The following GREB1 variants were observed in gnomAD, a reference collection of about 807,000 sequenced individuals.
GREB1 encodes protein GREB1.
A neutral mutation model predicts 200.7 loss-of-function variants in GREB1; 106 were observed. The observed-to-expected ratio is 0.53, with a 90% CI of 0.45 to 0.62. GREB1 has a LOEUF of 0.62. Ranked by LOEUF, GREB1 falls within the 20% of genes least tolerant of loss-of-function variation. GREB1 has a pLI of 0.00. For synonymous variants in GREB1, 1,132 were observed against 1,092.4 expected (o/e 1.04, Z -0.72); for missense variants, 2,243 against 2,556.8 (o/e 0.88, Z 2.65).
chr2:11,556,818 G>T (rs375548010), intron 2 of GREB1, 47 bp downstream of exon 2: 2 of 1,452,678 alleles, frequency 1.4e-6, no homozygotes, highest in Non-Finnish European at 1.9e-6. Flanking sequence ...TTTATTGTGC[G>T]CAGTTAATGT....
intron 25 of GREB1, among the ~76,000 whole-genome samples, chr2:11,627,970 G>A (rs1558660632): frequency 6.6e-6 from 1 of 152,214 alleles, no homozygotes; most frequent in East Asian, 1.9e-4. Context: ...GAGGGGAGGT[G>A]GGGTTTCCAG....
In GREB1 at chr2:11,633,350, CAGG is replaced by C. The variant is rs1216279961; in HGVS notation, c.4991+290_4991+292del. Among the ~76,000 whole-genome samples, 1 of 152,044 alleles carries C rather than the reference CAGG, an allele frequency of 6.6e-6. No individual in the cohort carries two copies. The highest frequency in any genetic ancestry group is 2.4e-5 in the African/African-American group (1 of 41,388). On this transcript the variant is annotated intron_variant, in intron 28 of 32. Transcript: ENST00000381486. This position sits in a 1 kb window ranked among gnomAD's most constrained non-coding sequence, Gnocchi z 4.1. ...GGCTGAGGTGGGTGGATCACGAGGT[CAGG>C]AGATCGAGACCATCCTGGCTAACAC...
chr2:11,579,067 G>A (rs1397319116), intron 6 of GREB1, among the ~76,000 whole-genome samples: 4 of 152,316 alleles, frequency 2.6e-5, no homozygotes, highest in South Asian at 2.1e-4. Context: ...CAGCCTTCCC[G>A]AGGACGCAGG....
chr2:11,600,862 T>C lies in GREB1; in HGVS notation c.2396T>C (p.Leu799Pro). The C allele has an allele frequency of 5.6e-6, 9 of 1,614,160 alleles. No homozygotes were observed. Among genetic ancestry groups the C allele is most frequent in the Non-Finnish European group, 7.6e-6 (9 of 1,180,022 alleles). Reference protein sequence around the residue: ...DPSVGLVDRLLNCREVKEAPN... With the variant: ...DPSVGLVDRLPNCREVKEAPN... ...TCGGTGGGATTGGTGGACCGATTGC[T>C]CAACTGCAGGGAGGTGAAGGAGGCC... Residue 799 changes from leucine to proline, a missense_variant, in exon 16 of 33, where the codon CTC (leucine) becomes CCC (proline). Leu to Pro is a moderately conservative substitution (Grantham distance 98). This residue lies in a region of GREB1 where 1,178 missense variants were observed against 1,387.4 expected (regional missense o/e 0.85). Transcript: ENST00000381486.
chr2:11,610,567 A>T, intron 17 of GREB1, 121 bp from the exon 18 acceptor site: 1 of 716,370 alleles, frequency 1.4e-6, no homozygotes, highest in Non-Finnish European at 2.4e-6. Context: ...TCCAGAGGCA[A>T]CACAACTGCG....
rs769906233 is a variant in GREB1 at position 11,595,288 on chromosome 2, C to T, written c.1734C>T (p.Leu578=). 1.9e-6 allele frequency: 3 copies of T among 1,613,270 alleles called. No individual in the cohort carries two copies. Among genetic ancestry groups the T allele is most frequent in the Non-Finnish European group, 2.5e-6 (3 of 1,179,218 alleles). The change falls in exon 12 of 33, where the codon CTC becomes CTT. Residue 578 remains leucine (L), a synonymous_variant. Transcript: ENST00000381486. ...CCCGGATTCTTTCCGAGAGCCTTCT[C>T]ACTCCTGCGGAGTACCAGAAGGAAG... The part of the protein sequence containing the change: ...YQARILSESL[L]TPAEYQKEVN...
intron 22 of GREB1, among the ~76,000 whole-genome samples, chr2:11,619,938 G>A (rs917358395): frequency 6.6e-5 from 10 of 152,066 alleles, no homozygotes; most frequent in South Asian, 4.2e-4. Flanking sequence ...CATTGGGCTC[G>A]GTGCTTGGAA....
intron 1 of GREB1, among the ~76,000 whole-genome samples, chr2:11,496,389 C>G (rs1286065222): frequency 6.6e-6 from 1 of 152,208 alleles, no homozygotes; most frequent in Admixed American, 6.5e-5. Flanking sequence ...AAAGGACTGG[C>G]TCTGACCTGG....
chr2:11,613,995 A>G, intron 19 of GREB1, among the ~76,000 whole-genome samples: 1 of 152,054 alleles, frequency 6.6e-6, no homozygotes, highest in Non-Finnish European at 1.5e-5. Context: ...GCTCACAGAT[A>G]GCATTGCTTG....
chr2:11,533,618 C>A (rs1674157376), upstream of GREB1, among the ~76,000 whole-genome samples: 1 of 152,174 alleles, frequency 6.6e-6, no homozygotes, highest in Admixed American at 6.5e-5. Flanking sequence ...ATGGATGATA[C>A]ACAGATTGCT....
At chr2:11,567,785 A>T (rs928000178) in intron 4 of GREB1, among the ~76,000 whole-genome samples, 4 of 152,290 alleles carry the variant, frequency 2.6e-5, no homozygotes, top group Non-Finnish European at 4.4e-5. Context: ...AGGCTCCCCC[A>T]TTGTGGAGTA....
chr2:11,529,654 C>T (rs1673999807), upstream of GREB1, among the ~76,000 whole-genome samples: 1 of 152,078 alleles, frequency 6.6e-6, no homozygotes, highest in Non-Finnish European at 1.5e-5. Flanking sequence ...ATGTGTGTAC[C>T]CTCCTGACAC....
chr2:11,600,797 C>G lies in GREB1; in HGVS notation c.2334-3C>G, dbSNP rs781285445. 6.2e-7 allele frequency: 1 copy of G among 1,611,498 alleles called. No individual in the cohort carries two copies. Among genetic ancestry groups the G allele is most frequent in the South Asian group, 1.1e-5 (1 of 91,030 alleles). ...CCACTGATTGTGTCTTCTCCTCCCT[C>G]AGTAGCACTGTTCATAACCTCTATT... is the stretch of plus-strand genomic sequence containing the variant. On this transcript the variant is annotated splice_polypyrimidine_tract_variant and splice_region_variant and intron_variant, in intron 15 of 32. Transcript: ENST00000381486.
chr2:11,585,221 C>A lies in GREB1; in HGVS notation c.962C>A (p.Pro321Gln), dbSNP rs1193625304. 1 of 1,584,024 alleles carries A rather than the reference C, an allele frequency of 6.3e-7. No individual in the cohort carries two copies. Residue 321 changes from proline to glutamine, a missense_variant, in exon 8 of 33, where the codon CCA becomes CAA. By Grantham distance (76) the Pro-to-Gln change is moderately conservative (BLOSUM62 -1). Transcript: ENST00000381486. ...CACAAAGGGTGGTCTCCAGAATCTC[C>A]ATCAGCTCCAGATGGTGGCTGCCCC... ...KRHKGWSPES[P>Q]SAPDGGCPQG... is the part of the protein sequence containing the mutation.
chr2:11,630,260 GTCACTCCAATTCAAGCC>G, intron 26 of GREB1, 151 bp downstream of exon 26: 1 of 673,856 alleles, frequency 1.5e-6, no homozygotes, highest in Non-Finnish European at 2.5e-6. Context: ...GGGCTCTGGA[GTCACTCCAATTCAAGCC>G]TCAGCCTTGC....
chr2:11,505,089 G>A (rs572391938), intron 1 of GREB1, among the ~76,000 whole-genome samples: 60 of 152,140 alleles, frequency 3.9e-4, no homozygotes, highest in African/African-American at 1.1e-3. Context: ...ATGCAACCAT[G>A]CCCAGCTAAT....
At chr2:11,536,061 A>T (rs1425255055) in intron 1 of GREB1, among the ~76,000 whole-genome samples, 1 of 152,112 alleles carries the variant, frequency 6.6e-6, no homozygotes, top group Non-Finnish European at 1.5e-5. Flanking sequence ...CAGGGGAGAG[A>T]GGGAAGCACA....
At chr2:11,630,671 C>A (rs1684806749) in intron 26 of GREB1, among the ~76,000 whole-genome samples, 1 of 152,204 alleles carries the variant, frequency 6.6e-6, no homozygotes, top group Non-Finnish European at 1.5e-5. Context: ...CAAATCATGT[C>A]ATCTATCTAT....
intron 1 of GREB1, among the ~76,000 whole-genome samples, chr2:11,545,322 G>A (rs116606898): frequency 0.016 from 2,500 of 151,746 alleles, 73 homozygotes; most frequent in African/African-American, 0.056. Flanking sequence ...TAGCAGAGAC[G>A]GGTTGCATCA....
Sources: gnomAD v4.1 joint callset for allele counts (sites outside exome capture counted in the v4.1 genomes callset) on GRCh38, gnomAD v4.1.1 for gene constraint, gnomAD v4.1.1 regional missense constraint, Gnocchi (gnomAD v3.1) non-coding constraint, MANE v1.5 for transcripts, NCBI Gene and HGNC (gene_info 2026-07-23, HGNC 2026-07-21) for gene names.